LRPPRC: variants seen among roughly 807,000 people sequenced by gnomAD.
LRPPRC encodes leucine rich pentatricopeptide repeat containing, also known as leucine-rich PPR motif-containing protein, mitochondrial.
A neutral mutation model predicts 180.3 loss-of-function variants in LRPPRC; 120 were observed. The ratio of observed to expected loss-of-function variants is 0.67; its 90% confidence interval spans 0.57 to 0.77. LRPPRC has a LOEUF of 0.77. Ranked by LOEUF, LRPPRC falls within the 30% of genes least tolerant of loss-of-function variation. The pLI, the probability that LRPPRC is intolerant of heterozygous loss-of-function variation, is 0.00. For synonymous variants in LRPPRC, 723 were observed against 600.0 expected, an observed-to-expected ratio of 1.21 and a Z score of -3.00; for missense variants, 2,012 against 1,657.2, an observed-to-expected ratio of 1.21 and a Z score of -3.72.
intron 29 of LRPPRC, among the ~76,000 whole-genome samples, chr2:43,915,688 T>C (rs373565359): frequency 6.6e-6 from 1 of 152,196 alleles, no homozygotes; most frequent in East Asian, 1.9e-4. Context: ...CAAAAGAAAA[T>C]GACTCAGAAT....
intron 13 of LRPPRC, 21 bp from the exon 14 acceptor site, chr2:43,957,472 C>A (rs376355475): frequency 6.3e-7 from 1 of 1,581,272 alleles, no homozygotes; most frequent in Non-Finnish European, 8.7e-7. Context: ...AAATGACCAT[C>A]ATTAAATCTC....
chr2:43,917,984 A>ACCCCCCCCCCCCCCCCCCCCC, intron 29 of LRPPRC, 41 bp downstream of exon 29: 1 of 1,199,294 alleles, frequency 8.3e-7, no homozygotes, highest in Non-Finnish European at 1.2e-6. Flanking sequence ...TAGAAAGAAG[A>ACCCCCCCCCCCCCCCCCCCCC]CCACCCCCCC....
chr2:43,952,547 G>C (rs772889768), intron 14 of LRPPRC, among the ~76,000 whole-genome samples: 1 of 152,104 alleles, frequency 6.6e-6, no homozygotes, highest in Admixed American at 6.5e-5. Flanking sequence ...CTTTCACTAA[G>C]TTTTGGAATT....
At chr2:43,948,580 A>T (rs1451192026) in intron 16 of LRPPRC, 62 bp from the exon 17 acceptor site, 1 of 858,570 alleles carries the variant, frequency 1.2e-6, no homozygotes, top group Non-Finnish European at 2.0e-6. Flanking sequence ...TGTTATCAAG[A>T]TTAATTTATA....
intron 36 of LRPPRC, 58 bp from the exon 37 acceptor site, chr2:43,889,934 T>A: frequency 7.6e-7 from 1 of 1,312,858 alleles, no homozygotes; most frequent in Non-Finnish European, 1.1e-6. Flanking sequence ...CTTACTCTTT[T>A]CACCAAAACA....
chr2:43,975,532 T>C (rs1674016071), intron 6 of LRPPRC, among the ~76,000 whole-genome samples: 1 of 151,952 alleles, frequency 6.6e-6, no homozygotes, highest in Admixed American at 6.6e-5. Flanking sequence ...TCTTCAAAAA[T>C]AAAAATATTT....
intron 13 of LRPPRC, among the ~76,000 whole-genome samples, chr2:43,957,666 A>C (rs892371756): frequency 1.3e-5 from 2 of 152,224 alleles, no homozygotes; most frequent in Non-Finnish European, 2.9e-5. Flanking sequence ...ATTTTCATGA[A>C]TATATACAAC....
At chr2:43,917,677 T>C (rs1220478791) in intron 29 of LRPPRC, among the ~76,000 whole-genome samples, 3 of 152,040 alleles carry the variant, frequency 2.0e-5, no homozygotes, top group Non-Finnish European at 4.4e-5. Flanking sequence ...TAGTCCCAGC[T>C]ACTCAGGAGT....
intron 27 of LRPPRC, among the ~76,000 whole-genome samples, chr2:43,918,853 A>C (rs1176259277): frequency 2.0e-5 from 3 of 148,222 alleles, no homozygotes; most frequent in Admixed American, 6.8e-5. Flanking sequence ...ATATAGAGAT[A>C]TATATATAGA....
intron 14 of LRPPRC, among the ~76,000 whole-genome samples, chr2:43,954,536 A>T (rs1673026816): frequency 6.6e-6 from 1 of 152,234 alleles, no homozygotes; most frequent in African/African-American, 2.4e-5. Flanking sequence ...GAGCTAATAC[A>T]ACTTTTTCTG....
chr2:43,993,816 G>T (rs576619338), intron 1 of LRPPRC, among the ~76,000 whole-genome samples: 1 of 151,832 alleles, frequency 6.6e-6, no homozygotes, highest in Non-Finnish European at 1.5e-5. Context: ...CAGTGGGACC[G>T]GCATGTTTTG....
rs754986788 is a variant in LRPPRC at position 43,943,754 on chromosome 2, C to T, written c.2437G>A (p.Val813Met). The T allele has an allele frequency of 3.1e-6, 5 of 1,613,548 alleles. No homozygotes were observed. The highest frequency in any genetic ancestry group is 4.2e-6 in the Non-Finnish European group (5 of 1,179,502). ...GATGGTTCTGCTAACCCTAGAGTCA[C>T]GATGGCTTCATGCAACTGTTTTACT... Reference protein sequence around the residue: ...ETVKQLHEAIVTLGLAEPSTN... With the variant: ...ETVKQLHEAIMTLGLAEPSTN... Residue 813 changes from valine (V) to methionine (M), a missense_variant, in exon 23 of 38, where the codon GTG (valine) becomes ATG (methionine). By Grantham distance (21) the Val-to-Met change is conservative. Transcript: ENST00000260665.
intron 23 of LRPPRC, among the ~76,000 whole-genome samples, chr2:43,937,671 T>G (rs190972499): frequency 5.1e-4 from 78 of 152,296 alleles, no homozygotes; most frequent in African/African-American, 1.9e-3. Flanking sequence ...AAGCAAATTA[T>G]CACAACAGCT....
chr2:43,930,549 A>C (rs1490694096), intron 25 of LRPPRC, among the ~76,000 whole-genome samples: 1 of 152,216 alleles, frequency 6.6e-6, no homozygotes, highest in Admixed American at 6.5e-5. Flanking sequence ...TGGCCACATC[A>C]TTCCATTTCA....
At chr2:43,964,242 T>C (rs1234575118) in intron 11 of LRPPRC, among the ~76,000 whole-genome samples, 1 of 148,350 alleles carries the variant, frequency 6.7e-6, no homozygotes, top group African/African-American at 2.6e-5. Context: ...AAAACTAACT[T>C]AAAAATCAAA....
intron 25 of LRPPRC, among the ~76,000 whole-genome samples, chr2:43,927,781 T>C (rs1298195408): frequency 6.6e-6 from 1 of 152,224 alleles, no homozygotes; most frequent in African/African-American, 2.4e-5. Context: ...CTGATTTATA[T>C]GGCAGATCTT....
At chr2:43,971,311 A>C (rs767893309) in intron 11 of LRPPRC, among the ~76,000 whole-genome samples, 15 of 151,866 alleles carry the variant, frequency 9.9e-5, no homozygotes, top group Admixed American at 7.2e-4. Context: ...CTAAGTGATA[A>C]CTTTTCACTT....
At chr2:43,915,621 T>C (rs369536012) in intron 29 of LRPPRC, among the ~76,000 whole-genome samples, 15 of 151,642 alleles carry the variant, frequency 9.9e-5, no homozygotes, top group African/African-American at 3.6e-4. Flanking sequence ...GAAGTGGAGG[T>C]TGCAGTGAGA....
chr2:43,947,757 C>T lies in LRPPRC; in HGVS notation c.1939G>A (p.Glu647Lys). ...ELIKDAHLLV[E>K]SKNLDFQKTV... ...TTTTGAAAGTCTAAATTCTTACTCT[C>T]AACCAACAAGTGAGCATCCTAAAAT... is the stretch of plus-strand genomic sequence containing the variant. Residue 647 changes from glutamate (E) to lysine (K), a missense_variant, in exon 19 of 38, where the codon GAG (glutamate) becomes AAG (lysine). Transcript: ENST00000260665. The T allele has an allele frequency of 2.5e-6, 4 of 1,590,188 alleles. No individual in the cohort carries two copies. Among genetic ancestry groups the T allele is most frequent in the Non-Finnish European group, 3.5e-6 (4 of 1,158,530 alleles).
Sources: gnomAD v4.1 joint callset for allele counts (sites outside exome capture counted in the v4.1 genomes callset) on GRCh38, gnomAD v4.1.1 for gene constraint, MANE v1.5 for transcripts, NCBI Gene and HGNC (gene_info 2026-07-23, HGNC 2026-07-21) for gene names.